The following HGF variants were observed in gnomAD, a reference collection of about 807,000 sequenced individuals.
The protein encoded by HGF is hepatocyte growth factor, also known as fibroblast-derived tumor cytotoxic factor.
HGF carries 39 observed loss-of-function variants against 111.6 expected under a neutral mutation model. That is an observed-to-expected ratio of 0.35 (90% CI 0.27 to 0.46). The LOEUF (loss-of-function observed/expected upper bound fraction) is 0.46, where lower values mean the gene tolerates loss of function less well. Ranked by LOEUF, HGF falls within the 20% of genes least tolerant of loss-of-function variation. HGF has a pLI of 1.00. For synonymous variants in HGF, 285 were observed against 294.8 expected, an observed-to-expected ratio of 0.97 and a Z score of 0.34; for missense variants, 735 against 910.5, an observed-to-expected ratio of 0.81 and a Z score of 2.48.
chr7:81,741,741 C>G (rs1788012248), intron 7 of HGF, among the ~76,000 whole-genome samples: 1 of 151,732 alleles, frequency 6.6e-6, no homozygotes, highest in African/African-American at 2.4e-5. Context: ...GAGTTCGAGA[C>G]CAGCCTGACC....
intron 10 of HGF, 145 bp from the exon 11 acceptor site, chr7:81,717,510 T>C: frequency 1.2e-6 from 1 of 848,730 alleles, no homozygotes; most frequent in East Asian, 2.6e-5. Flanking sequence ...TTAGCTATTT[T>C]GTTTGAGGTC....
chr7:81,718,936 AT>A (rs1264107058), intron 10 of HGF, among the ~76,000 whole-genome samples: 1 of 152,174 alleles, frequency 6.6e-6, no homozygotes, highest in Admixed American at 6.5e-5. Flanking sequence ...ATTAGCATTT[AT>A]TTTAATCATG....
intron 1 of HGF, among the ~76,000 whole-genome samples, chr7:81,764,967 GA>G (rs1172552843): frequency 1.5e-4 from 23 of 151,628 alleles, no homozygotes; most frequent in South Asian, 2.1e-4. Context: ...GTTAATTGAT[GA>G]AAAAAATCTA....
intron 12 of HGF, 22 bp from the exon 13 acceptor site, chr7:81,710,265 C>G: frequency 6.6e-7 from 1 of 1,521,384 alleles, no homozygotes; most frequent in South Asian, 1.1e-5. Flanking sequence ...CCAAACATAA[C>G]ATTTTTTAAA....
At chr7:81,767,886 T>C (rs574308547) in intron 1 of HGF, among the ~76,000 whole-genome samples, 2 of 152,194 alleles carry the variant, frequency 1.3e-5, no homozygotes, top group Non-Finnish European at 2.9e-5. Flanking sequence ...AAACTTTGTG[T>C]GTTCTAAGAG....
At chr7:81,707,985 A>G (rs1169786471) in intron 13 of HGF, among the ~76,000 whole-genome samples, 6 of 152,204 alleles carry the variant, frequency 3.9e-5, no homozygotes, top group Non-Finnish European at 7.3e-5. Context: ...AGGAAATTGT[A>G]AAATATTTGC....
rs1045821009 is a variant in HGF, at chr7:81,712,041, C to T, written c.1406-522G>A. Among the ~76,000 whole-genome samples the T allele has an allele frequency of 5.9e-5, 9 of 152,158 alleles. No homozygotes were observed. The East Asian group carries it at 1.7e-3, about 29-fold the overall frequency. On this transcript the variant is annotated intron_variant, in intron 11 of 17. Coordinates refer to ENST00000222390, the MANE Select transcript of HGF (RefSeq NM_000601.6). ...TACTGGATAATATTGTAAGTATATG[C>T]CCTCTGGTACTAGGTGATATGAGCA...
In HGF at chr7:81,764,320, C is replaced by A. The variant is rs138964312; in HGVS notation, c.89-1448G>T. Among the ~76,000 whole-genome samples the A allele has an allele frequency of 3.8e-3, 578 of 152,228 alleles. 3 individuals carry two copies. Among genetic ancestry groups the A allele is most frequent in the African/African-American group, 0.013 (542 of 41,568 alleles). On this transcript the variant is annotated intron_variant, in intron 1 of 17. Coordinates refer to ENST00000222390, the MANE Select transcript of HGF (RefSeq NM_000601.6). ...CACGAGGTCCTCTAAATTTCTGAAT[C>A]TCTGTAAAACTCCAAAGCACAATCT...
At chr7:81,734,788 A>G (rs1219755960) in intron 7 of HGF, among the ~76,000 whole-genome samples, 1 of 152,112 alleles carries the variant, frequency 6.6e-6, no homozygotes, top group Admixed American at 6.6e-5. Flanking sequence ...CTTCATATGA[A>G]TGATAAGTAA....
rs768026910 is a variant in HGF at position 81,743,483 on chromosome 7, A to C, written c.747-12T>G. On this transcript the variant is annotated splice_polypyrimidine_tract_variant and intron_variant, in intron 6 of 17. Transcript: ENST00000222390. Reference sequence around the variant, plus strand: ...CCTTGTCGGGATATCTGCAAACCACACCAAGAAAAGTGTCACGTAAATCTG... The same window carrying C: ...CCTTGTCGGGATATCTGCAAACCACCCCAAGAAAAGTGTCACGTAAATCTG... 1.3e-6 allele frequency: 2 copies of C among 1,541,522 alleles called. No individual in the cohort carries two copies. Among genetic ancestry groups the C allele is most frequent in the Non-Finnish European group, 1.8e-6 (2 of 1,113,734 alleles).
chr7:81,738,614 A>G (rs1264308241), intron 7 of HGF, among the ~76,000 whole-genome samples: 1 of 152,184 alleles, frequency 6.6e-6, no homozygotes, highest in African/African-American at 2.4e-5. Flanking sequence ...TGATTGTAAC[A>G]TAGAAGCTTG....
chr7:81,711,525 A>G lies in HGF; in HGVS notation c.1406-6T>C. ...AGGTGTGGTATCACCTTCACCTGTA[A>G]AAATAAATGTATAGATAAATACACA... On this transcript the variant is annotated splice_region_variant and splice_polypyrimidine_tract_variant and intron_variant, in intron 11 of 17. Coordinates refer to ENST00000222390, the MANE Select transcript of HGF (RefSeq NM_000601.6). 7.6e-7 allele frequency: 1 copy of G among 1,323,006 alleles called. No individual in the cohort carries two copies. The allele number at this position is 1,323,006 out of a possible 1,614,324, so 82.0% of individuals were successfully genotyped here.
rs548061147 is a variant in HGF, at chr7:81,730,182, C to CT, written c.866-404dup. Among the ~76,000 whole-genome samples the CT allele has an allele frequency of 7.2e-4, 109 of 152,244 alleles. 1 individual carries two copies. The Middle Eastern group carries it at 0.017, about 24-fold the overall frequency. On this transcript the variant is annotated intron_variant, in intron 7 of 17. Coordinates refer to ENST00000222390, the MANE Select transcript of HGF (RefSeq NM_000601.6). ...CATATATTCTGGCCAGGTATGGTGG[C>CT]TTATGCCTGTAATCCCAGCACTTTG...
intron 17 of HGF, among the ~76,000 whole-genome samples, chr7:81,704,424 C>G (rs1562870023): frequency 6.6e-6 from 1 of 151,336 alleles, no homozygotes; most frequent in African/African-American, 2.4e-5. Flanking sequence ...GTAAATGTTC[C>G]CTTGTTATAA....
At chr7:81,729,857 G>A in intron 7 of HGF, 78 bp from the exon 8 acceptor site, 2 of 1,360,386 alleles carry the variant, frequency 1.5e-6, no homozygotes, top group Non-Finnish European at 2.1e-6. Flanking sequence ...GAGTTCATTG[G>A]CATTTGTATT....
intron 1 of HGF, 22 bp downstream of exon 1, chr7:81,769,862 G>A: frequency 6.7e-7 from 1 of 1,498,228 alleles, no homozygotes; most frequent in Admixed American, 1.9e-5. Flanking sequence ...TACTAATAAT[G>A]AAGAAGAAGA....
intron 4 of HGF, among the ~76,000 whole-genome samples, chr7:81,752,818 A>T (rs1286965055): frequency 6.6e-6 from 1 of 152,030 alleles, no homozygotes; most frequent in Non-Finnish European, 1.5e-5. Flanking sequence ...TTACTGTGAG[A>T]CCCCAGTAAG....
At chr7:81,729,025 C>CAGACCCAGAAGAGCAAAACTGTGA (rs1256978782) in intron 8 of HGF, among the ~76,000 whole-genome samples, 5,620 of 16,910 alleles carry the variant, frequency 0.33, 2,507 homozygotes, top group East Asian at 0.59. Flanking sequence ...GTAATTGATA[C>CAGACCCAGAAGAGCAAAACTGTGA]TCAAGGGCAG....
intron 7 of HGF, among the ~76,000 whole-genome samples, chr7:81,739,319 A>G (rs1347148706): frequency 6.6e-6 from 1 of 152,030 alleles, no homozygotes; most frequent in Non-Finnish European, 1.5e-5. Context: ...TGTGTTGAAT[A>G]GTCTTTTATT....
Sources: allele counts gnomAD v4.1 joint callset (sites outside exome capture counted in the v4.1 genomes callset), GRCh38; gene constraint gnomAD v4.1.1; transcripts MANE v1.5; gene names NCBI Gene and HGNC (gene_info 2026-07-23, HGNC 2026-07-21).